CD164: variants seen among roughly 807,000 people sequenced by gnomAD.
CD164 encodes CD164 molecule.
Under a neutral mutation model 24.6 loss-of-function variants are expected in CD164, and 11 were observed. The ratio of observed to expected loss-of-function variants is 0.45; its 90% CI spans 0.28 to 0.74. The LOEUF is 0.74. Among genes scored for constraint, CD164 ranks in the 30% least tolerant of loss-of-function variants. The pLI, the probability that CD164 is intolerant of heterozygous loss-of-function variation, is 0.13. For synonymous variants in CD164, 126 were observed against 100.3 expected, an observed-to-expected ratio of 1.26 and a Z score of -1.53; for missense variants, 295 against 243.7, an observed-to-expected ratio of 1.21 and a Z score of -1.40.
chr6:109,382,138 C>G, intron 1 of CD164, 66 bp downstream of exon 1: 1 of 1,300,028 alleles, frequency 7.7e-7, no homozygotes, highest in Non-Finnish European at 9.9e-7. Context: ...CCCGCCCGCA[C>G]GGCGAGGAGG....
At chr6:109,370,707 A>G in intron 4 of CD164, 1 of 411,098 alleles carries the variant, frequency 2.4e-6, no homozygotes, top group Non-Finnish European at 4.4e-6. Flanking sequence ...TCTATCTTGT[A>G]TAAAATCTAT....
chr6:109,375,272 T>C (rs1403356263), intron 4 of CD164, among the ~76,000 whole-genome samples: 1 of 152,020 alleles, frequency 6.6e-6, no homozygotes, highest in East Asian at 1.9e-4. Flanking sequence ...GGCCTAATTC[T>C]CTAATCAAGA....
chr6:109,368,117 T>C lies in CD164; in HGVS notation c.*734A>G. On this transcript the variant is annotated 3_prime_UTR_variant, in exon 6 of 6. Transcript: ENST00000310786. Reference sequence around the variant, plus strand: ...ACTGCTCACATCAAGTTACATCCTCTGACCAATCCTTACCTTCCTTAATGT... The same window carrying C: ...ACTGCTCACATCAAGTTACATCCTCCGACCAATCCTTACCTTCCTTAATGT... 1.7e-6 allele frequency: 1 copy of C among 588,760 alleles called. No individual in the cohort carries two copies. The highest frequency in any genetic ancestry group is 2.8e-6 in the Non-Finnish European group (1 of 358,468). 36.5% of individuals were successfully genotyped at this position (588,760 alleles called of 1,614,324 possible).
Position 109,376,076 on chromosome 6 carries a change from G to T in CD164, c.368C>A (p.Thr123Lys). 6.4e-7 allele frequency: 1 copy of T among 1,569,266 alleles called. No individual in the cohort carries two copies. The highest frequency in any genetic ancestry group is 8.6e-7 in the Non-Finnish European group (1 of 1,167,834). Residue 123 changes from threonine (T) to lysine (K), a missense_variant and splice_region_variant, in exon 4 of 6, where the codon ACA becomes AAA. Thr to Lys is a moderately conservative substitution (Grantham distance 78). Coordinates refer to ENST00000310786, the MANE Select transcript of CD164 (RefSeq NM_006016.6). ...AGAAAACAGTCATCTTGAATTACCT[G>T]TAGAATTGGCTGTTGGCACTGGAGT... ...TATPVPTANS[T>K]AKPTVQPSPS...
Position 109,368,379 on chromosome 6 carries a change from C to A in CD164, c.*472G>T. 1 of 1,493,294 alleles carries A rather than the reference C, an allele frequency of 6.7e-7. No homozygotes were observed. Among genetic ancestry groups the A allele is most frequent in the South Asian group, 1.3e-5 (1 of 75,732 alleles). 92.5% of individuals were successfully genotyped at this position (1,493,294 alleles called of 1,614,324 possible). On this transcript the variant is annotated 3_prime_UTR_variant, in exon 6 of 6. Coordinates refer to ENST00000310786, the MANE Select transcript of CD164 (RefSeq NM_006016.6). ...GCACAAAATTTTAATCTAAGGATAC[C>A]ATTTAGTACTACTAAATTAATAAAT...
chr6:109,375,082 T>C (rs1771317690), intron 4 of CD164, among the ~76,000 whole-genome samples: 1 of 152,234 alleles, frequency 6.6e-6, no homozygotes, highest in South Asian at 2.1e-4. Flanking sequence ...TTCTTATCCA[T>C]GCTGTTGAGG....
chr6:109,374,675 A>G (rs1771294504), intron 4 of CD164, among the ~76,000 whole-genome samples: 1 of 152,208 alleles, frequency 6.6e-6, no homozygotes, highest in Non-Finnish European at 1.5e-5. Context: ...GTGTTTCCCA[A>G]TTCTGCTCAC....
intron 3 of CD164, among the ~76,000 whole-genome samples, chr6:109,377,064 G>A (rs1288792613): frequency 1.3e-5 from 2 of 152,112 alleles, no homozygotes; most frequent in African/African-American, 4.8e-5. Flanking sequence ...TTAAGCCCAG[G>A]AATATGAGGT....
At chr6:109,369,295 T>A (rs893910452) in intron 5 of CD164, among the ~76,000 whole-genome samples, 1 of 152,222 alleles carries the variant, frequency 6.6e-6, no homozygotes, top group Non-Finnish European at 1.5e-5. Flanking sequence ...TGGGAATGTA[T>A]CAAACACTTC....
chr6:109,369,092 C>A (rs1182219841), intron 5 of CD164, 75 bp from the exon 6 acceptor site: 1 of 1,303,460 alleles, frequency 7.7e-7, no homozygotes, highest in African/African-American at 1.5e-5. Context: ...TGCACCTGAG[C>A]CTCTATTTTG....
intron 4 of CD164, among the ~76,000 whole-genome samples, chr6:109,374,218 T>C (rs1364636687): frequency 1.3e-5 from 2 of 152,170 alleles, no homozygotes; most frequent in African/African-American, 2.4e-5. Flanking sequence ...CCTATGCCTA[T>C]TTATATTTTT....
rs1382484617 is a variant in CD164, at chr6:109,377,886, A to G, written c.331+14T>C. ...TCTGCGGTCAGCTTCCAAGCAGCCA[A>G]TATGAATACTTACCGGAACAGAAGT... On this transcript the variant is annotated intron_variant, in intron 3 of 5. Coordinates refer to ENST00000310786, the MANE Select transcript of CD164 (RefSeq NM_006016.6). The G allele has an allele frequency of 5.0e-6, 8 of 1,607,792 alleles. No homozygotes were observed. Among genetic ancestry groups the G allele is most frequent in the African/African-American group, 2.7e-5 (2 of 74,786 alleles).
chr6:109,377,857 C>G, intron 3 of CD164, 43 bp downstream of exon 3: 1 of 1,439,582 alleles, frequency 6.9e-7, no homozygotes, highest in Non-Finnish European at 9.8e-7. Context: ...ATCTTCCTCA[C>G]CTCTCTGCGG....
chr6:109,380,014 ATAT>A (rs1771647961), intron 1 of CD164: 2 of 170,332 alleles, frequency 1.2e-5, no homozygotes, highest in African/African-American at 2.4e-5. Context: ...AAAGGCTTTG[ATAT>A]AATACCAACA....
chr6:109,370,342 G>C, intron 5 of CD164, 69 bp downstream of exon 5: 1 of 1,250,422 alleles, frequency 8.0e-7, no homozygotes, highest in South Asian at 1.3e-5. Flanking sequence ...GAAAATGATG[G>C]CAGAAATTGT....
In CD164 at chr6:109,370,417, T is replaced by A. The variant is rs757094794; in HGVS notation, c.421A>T (p.Thr141Ser). The change falls in exon 5 of 6, where the codon ACA becomes TCA. Residue 141 changes from threonine (T) to serine (S), a missense_variant. Transcript: ENST00000310786. ...TCTAAAAAGCCTCAATTACCTGATG[T>A]AGTAACTGTCTTGGAAGTTGTAGAA... ...SPSTTSKTVT[T>S]SGTTNNTVTP... 6.8e-6 allele frequency: 11 copies of A among 1,611,592 alleles called. No individual in the cohort carries two copies. The highest frequency in any genetic ancestry group is 9.3e-6 in the Non-Finnish European group (11 of 1,177,982).
chr6:109,370,393 C>T lies in CD164; in HGVS notation c.427+18G>A. The T allele has an allele frequency of 6.3e-7, 1 of 1,597,098 alleles. No homozygotes were observed. Among genetic ancestry groups the T allele is most frequent in the Non-Finnish European group, 8.6e-7 (1 of 1,164,932 alleles). On this transcript the variant is annotated intron_variant, in intron 5 of 5. Transcript: ENST00000310786. ...GCACACATCCTGCATCATTGCTAATCTAAAAAGCCTCAATTACCTGATGTA... is the reference window on the plus strand; with the variant it reads ...GCACACATCCTGCATCATTGCTAATTTAAAAAGCCTCAATTACCTGATGTA...
intron 1 of CD164, chr6:109,380,102 A>C (rs1296125689): frequency 6.5e-6 from 1 of 152,772 alleles, no homozygotes; most frequent in African/African-American, 2.4e-5. Context: ...GTAGTAGTTT[A>C]ACAGGTTGAA....
intron 1 of CD164, chr6:109,381,754 C>G: frequency 1.7e-6 from 1 of 578,800 alleles, no homozygotes; most frequent in Non-Finnish European, 3.1e-6. Context: ...AAGGCTACCT[C>G]CGGAGAGAGG....
Sources: gnomAD v4.1 joint callset for allele counts (sites outside exome capture counted in the v4.1 genomes callset) on GRCh38, gnomAD v4.1.1 for gene constraint, MANE v1.5 for transcripts, NCBI Gene and HGNC (gene_info 2026-07-23, HGNC 2026-07-21) for gene names.